TRIO: variants seen among roughly 807,000 people sequenced by gnomAD.
TRIO encodes trio Rho guanine nucleotide exchange factor.
A neutral mutation model predicts 351.9 loss-of-function variants in TRIO; 58 were observed. The ratio of observed to expected loss-of-function variants is 0.16; its 90% CI spans 0.13 to 0.21. The LOEUF is 0.21. Ranked by LOEUF, TRIO falls within the 10% of genes least tolerant of loss-of-function variation. The pLI is 1.00. For missense variants in TRIO, 3,201 were observed against 4,027.8 expected, an observed-to-expected ratio of 0.79 and a Z score of 5.56; for synonymous variants, 1,758 against 1,595.7, an observed-to-expected ratio of 1.10 and a Z score of -2.42.
At chr5:14,423,241 G>T (rs576910201) in intron 34 of TRIO, among the ~76,000 whole-genome samples, 11 of 152,226 alleles carry the variant, frequency 7.2e-5, no homozygotes, top group Non-Finnish European at 1.5e-4. Flanking sequence ...GCCTAGGCCT[G>T]GAGGCTGTGT....
chr5:14,284,556 C>T lies in TRIO; in HGVS notation c.348-2315C>T, dbSNP rs561205183. On this transcript the variant is annotated intron_variant, in intron 3 of 56. Transcript: ENST00000344204. ...ATAGTTAATCCTTCTGTAAACTGTGCAAGCTCAGCGTAGCTTTTGGTTTTG... is the reference window on the plus strand; with the variant it reads ...ATAGTTAATCCTTCTGTAAACTGTGTAAGCTCAGCGTAGCTTTTGGTTTTG... 1.0e-3 allele frequency among the ~76,000 whole-genome samples: 152 copies of T among 152,300 alleles called. 3 individuals are homozygous for T. The South Asian group carries it at 0.012, about 12-fold the overall frequency.
rs1754870322 is a variant in TRIO at position 14,474,068 on chromosome 5, C to T, written c.6054C>T (p.Asn2018=). 2.5e-6 allele frequency: 4 copies of T among 1,613,534 alleles called. No individual in the cohort carries two copies. Among genetic ancestry groups the T allele is most frequent in the African/African-American group, 1.3e-5 (1 of 75,038 alleles). ...GAAAAGACAAAATTGTGTTCGGCAA[C>T]ATCCATCAGATTTACGACTGGCACA... ...MKGKDKIVFG[N]IHQIYDWHRD... The change falls in exon 40 of 57, where the codon AAC becomes AAT. Residue 2018 remains asparagine (N), a synonymous_variant. Coordinates refer to ENST00000344204, the MANE Select transcript of TRIO (RefSeq NM_007118.4).
At chr5:14,381,827 A>C (rs1746132494) in intron 21 of TRIO, among the ~76,000 whole-genome samples, 1 of 152,244 alleles carries the variant, frequency 6.6e-6, no homozygotes, top group African/African-American at 2.4e-5. Flanking sequence ...ATAAAAATAA[A>C]ATTATGAAAT....
intron 1 of TRIO, among the ~76,000 whole-genome samples, chr5:14,219,837 C>T (rs1792478965): frequency 6.6e-6 from 1 of 151,660 alleles, no homozygotes; most frequent in Non-Finnish European, 1.5e-5. Context: ...CAGCATGTGG[C>T]GTCCAGCAGT....
intron 24 of TRIO, 150 bp downstream of exon 24, chr5:14,388,829 T>C (rs1165344461): frequency 1.1e-6 from 1 of 921,270 alleles, no homozygotes; most frequent in African/African-American, 1.7e-5. Flanking sequence ...GCAGCCGGTT[T>C]CATGTTTCTG....
rs548945680 is a variant in TRIO, at chr5:14,472,587, T to C, written c.5913-5T>C. 1.2e-6 allele frequency: 2 copies of C among 1,614,030 alleles called. No individual in the cohort carries two copies. Among genetic ancestry groups the C allele is most frequent in the South Asian group, 1.1e-5 (1 of 91,070 alleles). On this transcript the variant is annotated splice_region_variant and splice_polypyrimidine_tract_variant and intron_variant, in intron 38 of 56. Transcript: ENST00000344204. ...TGCATGATAAACAATATTTTTTCTC[T>C]CCAGCTACGTTTTGCAAGAACTAGT...
chr5:14,470,086 A>C (rs1487557794), intron 37 of TRIO, among the ~76,000 whole-genome samples: 1 of 152,224 alleles, frequency 6.6e-6, no homozygotes, highest in Non-Finnish European at 1.5e-5. Context: ...CTATTTATTT[A>C]AAAGAGTGCA....
chr5:14,438,148 G>A (rs1218999865), intron 34 of TRIO, among the ~76,000 whole-genome samples: 2 of 151,988 alleles, frequency 1.3e-5, no homozygotes, highest in African/African-American at 2.4e-5. Context: ...GTTCTCTTCC[G>A]CCAAGTGCCT....
chr5:14,153,702 G>A (rs541176426), intron 1 of TRIO, among the ~76,000 whole-genome samples: 131 of 152,202 alleles, frequency 8.6e-4, no homozygotes, highest in Non-Finnish European at 1.5e-3. Context: ...TGTTTGTGAG[G>A]GCCTGAATTG....
intron 53 of TRIO, among the ~76,000 whole-genome samples, chr5:14,499,450 A>T (rs1579841094): frequency 6.6e-6 from 1 of 152,226 alleles, no homozygotes; most frequent in African/African-American, 2.4e-5. Flanking sequence ...CCACAAATGG[A>T]GGTGCCTCCA....
intron 11 of TRIO, among the ~76,000 whole-genome samples, chr5:14,346,077 T>A (rs1561369224): frequency 6.6e-6 from 1 of 152,230 alleles, no homozygotes; most frequent in African/African-American, 2.4e-5. Flanking sequence ...AGCTAGAGTT[T>A]TGCCAGGACA....
intron 11 of TRIO, among the ~76,000 whole-genome samples, chr5:14,347,537 C>T (rs1348244556): frequency 1.3e-5 from 2 of 152,234 alleles, no homozygotes; most frequent in Non-Finnish European, 2.9e-5. Context: ...AGAGACTGCT[C>T]ATCCCAATTC....
chr5:14,364,693 G>T lies in TRIO; in HGVS notation c.2631G>T (p.Arg877=), dbSNP rs373058808. ...LCDRDVDMAT[R]VQDLLEFLHE... ...ATAGAGATGTAGACATGGCAACTCG[G>T]GTCCAGGACCTGCTGGAGTTTCTTC... Residue 877 remains arginine (R), a synonymous_variant, in exon 15 of 57, where the codon CGG becomes CGT. Transcript: ENST00000344204. 8.1e-6 allele frequency: 13 copies of T among 1,613,764 alleles called. No individual in the cohort carries two copies. In the African/African-American group the frequency reaches 1.6e-4, roughly 20 times the overall value.
chr5:14,387,564 C>G lies in TRIO; in HGVS notation c.3697C>G (p.Leu1233Val), dbSNP rs759465759. 1.9e-6 allele frequency: 3 copies of G among 1,614,134 alleles called. No individual in the cohort carries two copies. The highest frequency in any genetic ancestry group is 1.7e-5 in the Admixed American group (1 of 60,012). Residue 1233 changes from leucine to valine, a missense_variant, in exon 22 of 57, where the codon CTG (leucine) becomes GTG (valine). Coordinates refer to ENST00000344204, the MANE Select transcript of TRIO (RefSeq NM_007118.4). ...GGATAAGAGGTACAGAGATTTCTCT[C>G]TGCGGATGGAGAAGTACAGGACCTC... The part of the protein sequence containing the change: ...AVDKRYRDFS[L>V]RMEKYRTSLE...
At chr5:14,374,138 A>G (rs1745356578) in intron 18 of TRIO, 91 bp from the exon 19 acceptor site, 1 of 841,080 alleles carries the variant, frequency 1.2e-6, no homozygotes, top group African/African-American at 1.7e-5. Context: ...TATTTTAGGT[A>G]AAGACATACG....
chr5:14,276,906 A>G (rs1279792499), intron 2 of TRIO, among the ~76,000 whole-genome samples: 3 of 152,222 alleles, frequency 2.0e-5, no homozygotes, highest in African/African-American at 7.2e-5. Flanking sequence ...TAAGGAAATA[A>G]GTGTCACACA....
chr5:14,420,683 G>A (rs1750043377), intron 34 of TRIO: 1 of 152,932 alleles, frequency 6.5e-6, no homozygotes, highest in Middle Eastern at 3.2e-3. Flanking sequence ...TGCATTTAGA[G>A]ATCTGAGCCA....
At chr5:14,392,843 G>A (rs1206767293) in intron 27 of TRIO, among the ~76,000 whole-genome samples, 1 of 151,886 alleles carries the variant, frequency 6.6e-6, no homozygotes, top group Non-Finnish European at 1.5e-5. Context: ...TCAGGAGATC[G>A]ACACCATCCT....
intron 8 of TRIO, among the ~76,000 whole-genome samples, chr5:14,316,104 C>T (rs1739360247): frequency 6.6e-6 from 1 of 152,162 alleles, no homozygotes; most frequent in South Asian, 2.1e-4. Context: ...TTTAACATGT[C>T]TCGAGATAAA....
Sources: allele counts gnomAD v4.1 joint callset (sites outside exome capture counted in the v4.1 genomes callset), GRCh38; gene constraint gnomAD v4.1.1; transcripts MANE v1.5; gene names NCBI Gene and HGNC (gene_info 2026-07-23, HGNC 2026-07-21).